Variants in CPNE8 observed in about 807,000 individuals in gnomAD.
The protein encoded by CPNE8 is copine 8, also known as copine-8.
CPNE8 carries 45 observed loss-of-function variants against 81.5 expected under a neutral mutation model. The observed-to-expected ratio is 0.55, with a 90% CI of 0.44 to 0.71. The LOEUF (loss-of-function observed/expected upper bound fraction) is 0.71. Ranked by LOEUF, CPNE8 falls within the 30% of genes least tolerant of loss-of-function variation. The pLI is 0.00. For synonymous variants in CPNE8, 252 were observed against 226.3 expected, an observed-to-expected ratio of 1.11 and a Z score of -1.02; for missense variants, 594 against 672.1, an observed-to-expected ratio of 0.88 and a Z score of 1.28.
In CPNE8 at chr12:38,767,670, A is replaced by G; in HGVS notation, c.540T>C (p.Pro180=). 1 of 1,566,630 alleles carries G rather than the reference A, an allele frequency of 6.4e-7. No individual in the cohort carries two copies. Among genetic ancestry groups the G allele is most frequent in the Non-Finnish European group, 8.6e-7 (1 of 1,163,210 alleles). Residue 180 remains proline (P), a synonymous_variant, in exon 8 of 20, where the codon CCT becomes CCC. Transcript: ENST00000331366. ...CATTACTTCGATAAAATACAAGGAA[A>G]GGATCTGATTTTCCAAAGAAGTCCT... The part of the protein sequence containing the change: ...DKKDFFGKSD[P]FLVFYRSNED...
intron 6 of CPNE8, among the ~76,000 whole-genome samples, chr12:38,815,513 C>T (rs1213558589): frequency 3.3e-5 from 5 of 152,158 alleles, no homozygotes; most frequent in Non-Finnish European, 7.4e-5. Flanking sequence ...TAATTTAAAG[C>T]AGATGCATTT....
chr12:38,830,064 G>A (rs565829090), intron 5 of CPNE8, among the ~76,000 whole-genome samples: 4 of 152,256 alleles, frequency 2.6e-5, no homozygotes, highest in African/African-American at 9.6e-5. Context: ...CTAGCATATT[G>A]TAAGTGCCTA....
intron 19 of CPNE8, among the ~76,000 whole-genome samples, chr12:38,655,376 C>A (rs1482643083): frequency 6.6e-6 from 1 of 152,008 alleles, no homozygotes; most frequent in African/African-American, 2.4e-5. Flanking sequence ...CATAATGATG[C>A]TTGATGCAAC....
chr12:38,743,322 T>C (rs1020191860), intron 10 of CPNE8, among the ~76,000 whole-genome samples: 5 of 152,054 alleles, frequency 3.3e-5, no homozygotes, highest in African/African-American at 1.2e-4. Flanking sequence ...TCTTTGAAAA[T>C]GTCAAAGTCG....
At chr12:38,725,945 G>T (rs2136752574) in intron 11 of CPNE8, among the ~76,000 whole-genome samples, 1 of 152,322 alleles carries the variant, frequency 6.6e-6, no homozygotes, top group South Asian at 2.1e-4. Flanking sequence ...TTTCCCCACA[G>T]ATGGGGGTGG....
chr12:38,701,923 T>C (rs1407994149), intron 14 of CPNE8, among the ~76,000 whole-genome samples: 1 of 152,216 alleles, frequency 6.6e-6, no homozygotes, highest in African/African-American at 2.4e-5. Context: ...GTCTTATCTG[T>C]AGTTCTAACT....
chr12:38,723,863 T>C (rs758692692), intron 12 of CPNE8, 30 bp from the exon 13 acceptor site: 9 of 1,346,778 alleles, frequency 6.7e-6, no homozygotes, highest in Non-Finnish European at 5.3e-6. Context: ...AATTACCTTC[T>C]AGTTGTTTGT....
chr12:38,785,096 G>C (rs1313598792), intron 6 of CPNE8, among the ~76,000 whole-genome samples: 1 of 151,688 alleles, frequency 6.6e-6, no homozygotes, highest in East Asian at 1.9e-4. Flanking sequence ...TCAGAAGGCT[G>C]AGGCAAGATA....
In CPNE8 at chr12:38,805,826, T is replaced by C. The variant is rs1386950427; in HGVS notation, c.407+23553A>G. Among the ~76,000 whole-genome samples the C allele has an allele frequency of 1.3e-5, 2 of 149,518 alleles. 1 individual carries two copies. Among genetic ancestry groups the C allele is most frequent in the Non-Finnish European group, 3.0e-5 (2 of 67,198 alleles). ...TCAATGAATCCAGGAGCTGGTTTTT[T>C]GAAAGGATCAACAAAATTGATAGAC... On this transcript the variant is annotated intron_variant, in intron 6 of 19. Coordinates refer to ENST00000331366, the MANE Select transcript of CPNE8 (RefSeq NM_153634.3).
chr12:38,710,877 C>T (rs774169642), intron 13 of CPNE8, among the ~76,000 whole-genome samples: 2 of 152,092 alleles, frequency 1.3e-5, no homozygotes, highest in Non-Finnish European at 2.9e-5. Context: ...AAGCAATGTC[C>T]GTGATAAATT....
chr12:38,761,549 A>G (rs1399218315), intron 9 of CPNE8, among the ~76,000 whole-genome samples: 7 of 152,334 alleles, frequency 4.6e-5, no homozygotes, highest in African/African-American at 2.4e-5. Flanking sequence ...CTATTTTTCT[A>G]TCATATGTAA....
intron 19 of CPNE8, among the ~76,000 whole-genome samples, chr12:38,663,939 G>C (rs1375558356): frequency 1.3e-5 from 2 of 152,098 alleles, no homozygotes; most frequent in Non-Finnish European, 2.9e-5. Flanking sequence ...CATAGAAATA[G>C]AGAGTAGAAT....
At chr12:38,746,294 T>C (rs1592057187) in intron 10 of CPNE8, among the ~76,000 whole-genome samples, 1 of 150,020 alleles carries the variant, frequency 6.7e-6, no homozygotes, top group East Asian at 2.1e-4. Flanking sequence ...TTTTATGTGG[T>C]AACTTGGTGG....
chr12:38,892,579 A>G (rs574941269), intron 1 of CPNE8, among the ~76,000 whole-genome samples: 55 of 152,330 alleles, frequency 3.6e-4, no homozygotes, highest in Middle Eastern at 6.8e-3. Flanking sequence ...GAAATATAGT[A>G]AGTCAAGCAT....
intron 6 of CPNE8, among the ~76,000 whole-genome samples, chr12:38,788,154 A>C (rs893659352): frequency 6.6e-6 from 1 of 151,918 alleles, no homozygotes; most frequent in African/African-American, 2.4e-5. Context: ...ACAAAGACAC[A>C]TCAAAAAAAG....
chr12:38,766,737 T>G (rs991255997), intron 8 of CPNE8, among the ~76,000 whole-genome samples: 1 of 152,126 alleles, frequency 6.6e-6, no homozygotes, highest in African/African-American at 2.4e-5. Flanking sequence ...ACATGTTCTC[T>G]TTAGCTGATA....
intron 1 of CPNE8, among the ~76,000 whole-genome samples, chr12:38,892,920 A>G (rs907562862): frequency 2.6e-5 from 4 of 152,198 alleles, no homozygotes; most frequent in African/African-American, 7.2e-5. Context: ...GCAGAACTTG[A>G]CAACTCTTGG....
At chr12:38,874,396 A>T in intron 2 of CPNE8, 75 bp downstream of exon 2, 2 of 1,112,050 alleles carry the variant, frequency 1.8e-6, no homozygotes, top group Non-Finnish European at 2.7e-6. Context: ...ACAAACCTTT[A>T]AACAAGAACT....
At chr12:38,781,169 T>C (rs1942045661) in intron 6 of CPNE8, among the ~76,000 whole-genome samples, 1 of 152,040 alleles carries the variant, frequency 6.6e-6, no homozygotes, top group South Asian at 2.1e-4. Context: ...CTTTATAGTT[T>C]CAAGTTTAGA....
Sources: allele counts gnomAD v4.1 joint callset (sites outside exome capture counted in the v4.1 genomes callset), GRCh38; gene constraint gnomAD v4.1.1; transcripts MANE v1.5; gene names NCBI Gene and HGNC (gene_info 2026-07-23, HGNC 2026-07-21).